The following MRLN variants were observed in gnomAD, a reference collection of about 807,000 sequenced individuals.
The protein encoded by MRLN is Linc-RNA activator of myogenesis.
At chr10:59,743,682 C>G (rs1301666124) in intron 1 of MRLN, among the ~76,000 whole-genome samples, 1 of 152,054 alleles carries the variant, frequency 6.6e-6, no homozygotes, top group Non-Finnish European at 1.5e-5. Context: ...CCGCCTCCCC[C>G]TCCCTCTTTG....
At chr10:59,743,686 C>T (rs1282732254) in intron 1 of MRLN, among the ~76,000 whole-genome samples, 2 of 152,162 alleles carry the variant, frequency 1.3e-5, no homozygotes. Flanking sequence ...CTCCCCCTCC[C>T]TCTTTGCATG....
In MRLN at chr10:59,737,211, A is replaced by G. The variant is rs77788409; in HGVS notation, c.-11T>C. The stretch of plus-strand genomic sequence containing the variant: ...GTTTTTACCAGTCATATCCAGAATT[A>G]TCCCGCTCCCTAGGAAAAAAGAGAA... On this transcript the variant is annotated 5_prime_UTR_variant, in exon 3 of 3. Transcript: ENST00000414264. 2.3e-5 allele frequency: 9 copies of G among 396,724 alleles called. No homozygotes were observed. The highest frequency in any genetic ancestry group is 3.6e-5 in the Non-Finnish European group (8 of 224,604). 24.6% of individuals were successfully genotyped at this position (396,724 alleles called of 1,614,324 possible).
At chr10:59,746,539 T>C (rs1384881216) in intron 1 of MRLN, among the ~76,000 whole-genome samples, 2 of 152,222 alleles carry the variant, frequency 1.3e-5, no homozygotes, top group African/African-American at 4.8e-5. Context: ...AAATGGACTA[T>C]ACTGGCATGG....
chr10:59,741,194 G>C (rs946385304), intron 1 of MRLN, among the ~76,000 whole-genome samples: 1 of 152,088 alleles, frequency 6.6e-6, no homozygotes, highest in Non-Finnish European at 1.5e-5. Context: ...ACAAAGTCTA[G>C]AGTAGTGTAC....
chr10:59,742,052 A>T (rs1840989450), intron 1 of MRLN, among the ~76,000 whole-genome samples: 1 of 152,182 alleles, frequency 6.6e-6, no homozygotes, highest in South Asian at 2.1e-4. Context: ...TTTAAATATG[A>T]TTATAACTCC....
chr10:59,741,754 A>C (rs1840986466), intron 1 of MRLN, among the ~76,000 whole-genome samples: 1 of 152,194 alleles, frequency 6.6e-6, no homozygotes, highest in African/African-American at 2.4e-5. Context: ...ATCATAGCTC[A>C]CTGTAACCTT....
intron 2 of MRLN, among the ~76,000 whole-genome samples, chr10:59,737,887 C>T (rs1353815754): frequency 6.6e-6 from 1 of 152,042 alleles, no homozygotes; most frequent in Non-Finnish European, 1.5e-5. Flanking sequence ...GATGTAAAGG[C>T]AAATAAGTGG....
At chr10:59,740,211 C>G (rs1174397944) in intron 1 of MRLN, among the ~76,000 whole-genome samples, 1 of 151,966 alleles carries the variant, frequency 6.6e-6, no homozygotes, top group Non-Finnish European at 1.5e-5. Flanking sequence ...CTGCTATAAA[C>G]AAACCTACAG....
At chr10:59,751,743 T>C (rs929164090) in intron 1 of MRLN, among the ~76,000 whole-genome samples, 2 of 151,714 alleles carry the variant, frequency 1.3e-5, no homozygotes, top group Non-Finnish European at 1.5e-5. Flanking sequence ...CTGACTTTTA[T>C]AGACCCCGTT....
intron 1 of MRLN, among the ~76,000 whole-genome samples, chr10:59,742,097 C>G (rs756620688): frequency 1.3e-5 from 2 of 152,132 alleles, no homozygotes; most frequent in Non-Finnish European, 2.9e-5. Context: ...CTAAGTGTAT[C>G]CCCCACCAGA....
intron 1 of MRLN, among the ~76,000 whole-genome samples, chr10:59,742,191 A>G (rs1159550321): frequency 1.3e-5 from 2 of 152,236 alleles, no homozygotes; most frequent in Admixed American, 1.3e-4. Context: ...CCATTAGTAC[A>G]CGGATAAATT....
chr10:59,748,673 G>A (rs77480563), intron 1 of MRLN, among the ~76,000 whole-genome samples: 2,536 of 152,214 alleles, frequency 0.017, 79 homozygotes, highest in African/African-American at 0.059. Flanking sequence ...GACAAACAAG[G>A]CCCAGAGAAG....
At chr10:59,749,657 A>G (rs950309824) in intron 1 of MRLN, among the ~76,000 whole-genome samples, 1 of 151,978 alleles carries the variant, frequency 6.6e-6, no homozygotes, top group East Asian at 1.9e-4. Context: ...TCGTGCCACT[A>G]AACTCCAGCC....
intron 1 of MRLN, among the ~76,000 whole-genome samples, chr10:59,752,039 T>C (rs1439745336): frequency 1.3e-5 from 2 of 152,178 alleles, no homozygotes; most frequent in Admixed American, 1.3e-4. Flanking sequence ...AAATAATAGT[T>C]TATATTTTGA....
At chr10:59,737,950 G>A (rs1485861893) in intron 2 of MRLN, 1 of 152,026 alleles carries the variant, frequency 6.6e-6, no homozygotes, top group Non-Finnish European at 1.5e-5. Flanking sequence ...TAAAATGAAC[G>A]TCAGTATCAA....
intron 1 of MRLN, among the ~76,000 whole-genome samples, chr10:59,740,776 T>TTTTCTTTCTTTCTTTCTTTC (rs145234174): frequency 8.4e-4 from 119 of 141,658 alleles, no homozygotes; most frequent in African/African-American, 2.9e-3. Flanking sequence ...TTTTTCTTTG[T>TTTTCTTTCTTTCTTTCTTTC]TTTCTTTCTT....
chr10:59,739,038 G>A (rs1840953054), intron 1 of MRLN: 1 of 151,832 alleles, frequency 6.6e-6, no homozygotes, highest in African/African-American at 2.4e-5. Flanking sequence ...TAGGAGTATT[G>A]TTTGAACCCA....
chr10:59,749,501 T>C (rs1841077177), intron 1 of MRLN, among the ~76,000 whole-genome samples: 1 of 152,074 alleles, frequency 6.6e-6, no homozygotes, highest in Non-Finnish European at 1.5e-5. Context: ...GGAGATCAGC[T>C]TGGCCAACAT....
chr10:59,742,193 G>A (rs943458149), intron 1 of MRLN, among the ~76,000 whole-genome samples: 4 of 151,932 alleles, frequency 2.6e-5, no homozygotes, highest in Admixed American at 6.5e-5. Flanking sequence ...ATTAGTACAC[G>A]GATAAATTGT....
Sources: allele counts gnomAD v4.1 joint callset (sites outside exome capture counted in the v4.1 genomes callset), GRCh38; gene constraint gnomAD v4.1.1; transcripts MANE v1.5; gene names NCBI Gene and HGNC (gene_info 2026-07-23, HGNC 2026-07-21).